Variants in ADAM12 observed in about 807,000 individuals in gnomAD.
ADAM12 encodes disintegrin and metalloproteinase domain-containing protein 12.
A neutral mutation model predicts 106.4 loss-of-function variants in ADAM12; 70 were observed. The observed-to-expected ratio is 0.66, with a 90% CI of 0.54 to 0.80. The LOEUF is 0.80. Ranked by LOEUF, ADAM12 falls within the 30% of genes least tolerant of loss-of-function variation. ADAM12 has a pLI of 0.00. For missense variants in ADAM12, 1,010 were observed against 1,171.9 expected (o/e 0.86, Z 2.02); for synonymous variants, 420 against 433.5 (o/e 0.97, Z 0.39).
intron 21 of ADAM12, among the ~76,000 whole-genome samples, chr10:126,023,729 T>C (rs1462703702): frequency 6.6e-6 from 1 of 152,158 alleles, no homozygotes; most frequent in Non-Finnish European, 1.5e-5. Flanking sequence ...AAATTGTCCT[T>C]GAGGACTTGA....
intron 4 of ADAM12, 104 bp from the exon 5 acceptor site, chr10:126,135,764 A>C (rs1315811926): frequency 9.9e-7 from 1 of 1,008,240 alleles, no homozygotes; most frequent in Non-Finnish European, 1.5e-6. Flanking sequence ...TTTCCATTGC[A>C]TAAAATATTG....
intron 4 of ADAM12, among the ~76,000 whole-genome samples, chr10:126,139,278 G>A (rs1305137112): frequency 6.6e-6 from 1 of 151,710 alleles, no homozygotes; most frequent in Non-Finnish European, 1.5e-5. Flanking sequence ...TTTTTTCCAC[G>A]TGGCTGTTGG....
chr10:126,166,802 T>C (rs1957033342), intron 3 of ADAM12, among the ~76,000 whole-genome samples: 1 of 152,178 alleles, frequency 6.6e-6, no homozygotes, highest in Non-Finnish European at 1.5e-5. Context: ...TTTTAATGTG[T>C]CATGATTGCC....
At chr10:126,305,464 T>TG (rs1960804348) in intron 2 of ADAM12, among the ~76,000 whole-genome samples, 1 of 152,086 alleles carries the variant, frequency 6.6e-6, no homozygotes, top group South Asian at 2.1e-4. Flanking sequence ...AAGCCAGAGT[T>TG]GATAAGAAAG....
At chr10:126,251,207 C>T (rs1265909689) in intron 3 of ADAM12, among the ~76,000 whole-genome samples, 1 of 152,182 alleles carries the variant, frequency 6.6e-6, no homozygotes, top group Non-Finnish European at 1.5e-5. Context: ...GTGGTCTGGT[C>T]CTCGACCTTT....
chr10:126,126,618 G>A (rs1051056311), intron 5 of ADAM12, among the ~76,000 whole-genome samples: 1 of 151,804 alleles, frequency 6.6e-6, no homozygotes, highest in Admixed American at 6.6e-5. Context: ...CAGGATTTAT[G>A]ACATGATCTA....
At chr10:126,246,539 A>G (rs1958633739) in intron 3 of ADAM12, among the ~76,000 whole-genome samples, 3 of 152,232 alleles carry the variant, frequency 2.0e-5, no homozygotes, top group Non-Finnish European at 4.4e-5. Flanking sequence ...ATCCACCACA[A>G]TCAAGTAGGC....
rs143219848 is a variant in ADAM12, at chr10:126,239,700, G to A, written c.260+39215C>T. Among the ~76,000 whole-genome samples the A allele has an allele frequency of 4.2e-3, 638 of 152,284 alleles. 4 individuals carry two copies. Among genetic ancestry groups the A allele is most frequent in the Middle Eastern group, 0.027 (8 of 294 alleles). On this transcript the variant is annotated intron_variant, in intron 3 of 22. Transcript: ENST00000448723. ...TCTAAGGAATTATGACATAGTGCAC[G>A]TTTGCAACTTTTTGATCACAAATCC...
chr10:126,224,521 T>G (rs1297198844), intron 3 of ADAM12, among the ~76,000 whole-genome samples: 1 of 150,882 alleles, frequency 6.6e-6, no homozygotes, highest in East Asian at 2.0e-4. Flanking sequence ...TAGAAGGCTC[T>G]AGGGGATGGA....
intron 1 of ADAM12, among the ~76,000 whole-genome samples, chr10:126,361,489 G>C (rs1590825461): frequency 6.6e-6 from 1 of 152,204 alleles, no homozygotes; most frequent in East Asian, 1.9e-4. Context: ...GCAGTACTGA[G>C]CAAAAAGAAC....
chr10:126,151,891 G>T (rs1160900465), intron 4 of ADAM12, among the ~76,000 whole-genome samples: 1 of 151,354 alleles, frequency 6.6e-6, no homozygotes, highest in South Asian at 2.1e-4. Flanking sequence ...ATCCCTCTTT[G>T]CATTCTTAAT....
chr10:126,284,670 G>C (rs1026367424), intron 2 of ADAM12, among the ~76,000 whole-genome samples: 2 of 152,132 alleles, frequency 1.3e-5, no homozygotes, highest in African/African-American at 2.4e-5. Context: ...CTACAGGCTC[G>C]AGCGATCACG....
intron 3 of ADAM12, among the ~76,000 whole-genome samples, chr10:126,258,430 T>C (rs1203869209): frequency 6.6e-6 from 1 of 151,842 alleles, no homozygotes; most frequent in African/African-American, 2.4e-5. Context: ...CCCACCAGTG[T>C]AATGGTCTCC....
At chr10:126,183,085 G>A (rs141673372) in intron 3 of ADAM12, among the ~76,000 whole-genome samples, 1 of 152,130 alleles carries the variant, frequency 6.6e-6, no homozygotes, top group Non-Finnish European at 1.5e-5. Context: ...CTGTGCATGC[G>A]AGGGATCTAG....
Position 126,118,115 on chromosome 10 carries a change from A to G in ADAM12, c.526T>C (p.Cys176Arg), listed in dbSNP as rs1420426197. Residue 176 changes from cysteine to arginine, a missense_variant, in exon 6 of 23, where the codon TGT becomes CGT. Cys to Arg is a radical substitution (Grantham distance 180). Transcript: ENST00000448723. The stretch of plus-strand genomic sequence containing the variant: ...TTTGGTGTGTTGTGATGTGATCCAC[A>G]TGATCCCCGGACGCTTTTCAGCTTC... ...AKKLKSVRGS[C>R]GSHHNTPNLA... The G allele has an allele frequency of 6.2e-7, 1 of 1,614,096 alleles. No homozygotes were observed. The highest frequency in any genetic ancestry group is 8.5e-7 in the Non-Finnish European group (1 of 1,180,032).
At position 126,014,956 on chromosome 10, in the gene ADAM12, G is replaced by C. The variant is rs1431986326; in HGVS notation, c.*2323C>G. 1 of 152,108 alleles carries C rather than the reference G, an allele frequency of 6.6e-6. No individual in the cohort carries two copies. The highest frequency in any genetic ancestry group is 1.5e-5 in the Non-Finnish European group (1 of 68,018). The allele number at this position is 152,108 out of a possible 1,614,324, so 9.4% of individuals were successfully genotyped here. The stretch of plus-strand genomic sequence containing the variant: ...AAACACCCTGGTTATTGGTTCCTAA[G>C]TTATGTTAAAATGGAATTTGCTGCT... On this transcript the variant is annotated 3_prime_UTR_variant, in exon 23 of 23. Coordinates refer to ENST00000448723, the MANE Select transcript of ADAM12 (RefSeq NM_001288973.2).
At position 126,016,607 on chromosome 10, in the gene ADAM12, T is replaced by G. The variant is rs1953665811; in HGVS notation, c.*672A>C. 1 of 152,278 alleles carries G rather than the reference T, an allele frequency of 6.6e-6. No individual in the cohort carries two copies. Among genetic ancestry groups the G allele is most frequent in the Non-Finnish European group, 1.5e-5 (1 of 68,140 alleles). 9.4% of individuals were successfully genotyped at this position (152,278 alleles called of 1,614,324 possible). ...CAGCTCAGGGTCAAGTTCTGGCTTG[T>G]CTAGTGTTCCAGTCTCTATCCTGGT... is the stretch of plus-strand genomic sequence containing the variant. On this transcript the variant is annotated 3_prime_UTR_variant, in exon 23 of 23. Coordinates refer to ENST00000448723, the MANE Select transcript of ADAM12 (RefSeq NM_001288973.2).
intron 18 of ADAM12, among the ~76,000 whole-genome samples, chr10:126,040,026 G>T (rs1352895745): frequency 6.6e-6 from 1 of 152,162 alleles, no homozygotes; most frequent in East Asian, 1.9e-4. Context: ...CAGCCTTTGT[G>T]GGGGAAACCC....
chr10:126,121,752 T>A (rs1956120090), intron 5 of ADAM12, among the ~76,000 whole-genome samples: 1 of 152,128 alleles, frequency 6.6e-6, no homozygotes, highest in East Asian at 1.9e-4. Flanking sequence ...TTCATCATCC[T>A]ATGCTCATTG....
Sources: gnomAD v4.1 joint callset for allele counts (sites outside exome capture counted in the v4.1 genomes callset) on GRCh38, gnomAD v4.1.1 for gene constraint, MANE v1.5 for transcripts, NCBI Gene and HGNC (gene_info 2026-07-23, HGNC 2026-07-21) for gene names.